The following JARID2 variants were observed in gnomAD, a reference collection of about 807,000 sequenced individuals.
JARID2 encodes the protein protein Jumonji.
A neutral mutation model predicts 125.6 loss-of-function variants in JARID2; 21 were observed. That is an observed-to-expected ratio of 0.17 (90% CI 0.12 to 0.24). JARID2 has a LOEUF of 0.24. Ranked by LOEUF, JARID2 falls within the 10% of genes least tolerant of loss-of-function variation. The probability of loss-of-function intolerance (pLI) is 1.00; values close to 1 mark genes in which losing one functional copy is unlikely to be tolerated. For missense variants in JARID2, 1,303 were observed against 1,639.6 expected (o/e 0.79, Z 3.55); for synonymous variants, 736 against 661.6 (o/e 1.11, Z -1.73).
At chr6:15,472,152 T>C (rs1769106515) in intron 5 of JARID2, among the ~76,000 whole-genome samples, 1 of 152,032 alleles carries the variant, frequency 6.6e-6, no homozygotes, top group Admixed American at 6.6e-5. Context: ...GAATCCTGGC[T>C]CCAGGCTGGG....
intron 1 of JARID2, among the ~76,000 whole-genome samples, chr6:15,302,027 T>C (rs1761641945): frequency 2.6e-5 from 4 of 152,200 alleles, no homozygotes; most frequent in Admixed American, 2.6e-4. Flanking sequence ...GGAAACGTGA[T>C]ACCTTTTCAT....
intron 1 of JARID2, among the ~76,000 whole-genome samples, chr6:15,288,113 G>A (rs987953682): frequency 8.5e-5 from 13 of 152,158 alleles, no homozygotes; most frequent in African/African-American, 2.9e-4. Flanking sequence ...TGGCATATTA[G>A]GCCATTCTTG....
At chr6:15,263,074 T>TTGTG (rs561238062) in intron 1 of JARID2, among the ~76,000 whole-genome samples, 2,746 of 139,756 alleles carry the variant, frequency 0.02, 35 homozygotes, top group Middle Eastern at 0.039. Context: ...GGGTGTGTGT[T>TTGTG]TGTGTGTGTG....
chr6:15,468,047 C>T (rs1304197558), intron 4 of JARID2, among the ~76,000 whole-genome samples: 1 of 151,860 alleles, frequency 6.6e-6, no homozygotes, highest in African/African-American at 2.4e-5. Flanking sequence ...AAGTAACTTC[C>T]AAAACTATTG....
intron 1 of JARID2, among the ~76,000 whole-genome samples, chr6:15,293,682 G>C (rs796108690): frequency 3.9e-5 from 6 of 152,338 alleles, no homozygotes; most frequent in African/African-American, 1.2e-4. Context: ...CTTGAGACTG[G>C]ATGCTTCCTT....
intron 8 of JARID2, among the ~76,000 whole-genome samples, chr6:15,503,903 A>C (rs1770863916): frequency 6.8e-6 from 1 of 146,136 alleles, no homozygotes. Context: ...ACAGGGCAAC[A>C]GAGGGGCATC....
Position 15,283,268 on chromosome 6 carries a change from G to A in JARID2, c.45+36684G>A, listed in dbSNP as rs528326610. ...GCTGGGATTACAGGTGTGAGCCACT[G>A]CGCCCGGCCGTTCTGGTATTTATTG... On this transcript the variant is annotated intron_variant, in intron 1 of 17. Transcript: ENST00000341776. Among the ~76,000 whole-genome samples, 279 of 149,816 alleles carry A rather than the reference G, an allele frequency of 1.9e-3. 4 individuals carry two copies. In the East Asian group the frequency reaches 0.028, roughly 15 times the overall value.
chr6:15,260,558 A>T lies in JARID2; in HGVS notation c.45+13974A>T, dbSNP rs185712773. On this transcript the variant is annotated intron_variant, in intron 1 of 17. Transcript: ENST00000341776. ...AGGTCGGGAAATACTTGTCTCAAAT[A>T]TAAACACCAGCTCAATATAAACACC... Among the ~76,000 whole-genome samples the T allele has an allele frequency of 3.6e-3, 543 of 152,340 alleles. 6 individuals carry two copies. The highest frequency in any genetic ancestry group is 0.012 in the African/African-American group (518 of 41,566).
rs377635233 is a variant in JARID2 at position 15,507,710 on chromosome 6, C to T, written c.2731+294C>T. ...GCTTTCAAAGCTGAAGTCACAATTCCTTAAGGCTACTGCAGGCTTGAAATC... is the reference window on the plus strand; with the variant it reads ...GCTTTCAAAGCTGAAGTCACAATTCTTTAAGGCTACTGCAGGCTTGAAATC... On this transcript the variant is annotated intron_variant, in intron 11 of 17. Transcript: ENST00000341776. Among the ~76,000 whole-genome samples, 11 of 152,292 alleles carry T rather than the reference C, an allele frequency of 7.2e-5. No individual in the cohort carries two copies. In the East Asian group the frequency reaches 2.1e-3, roughly 29 times the overall value.
At chr6:15,271,607 C>T (rs1201701236) in intron 1 of JARID2, among the ~76,000 whole-genome samples, 2 of 151,960 alleles carry the variant, frequency 1.3e-5, no homozygotes, top group Admixed American at 6.6e-5. Flanking sequence ...CCCAGGAGTT[C>T]GAGACCAGCC....
chr6:15,400,975 G>A lies in JARID2; in HGVS notation c.182-9249G>A, dbSNP rs760881396. 5.4e-6 allele frequency: 7 copies of A among 1,289,470 alleles called. No homozygotes were observed. In the South Asian group the frequency reaches 8.6e-5, roughly 16 times the overall value. The allele number at this position is 1,289,470 out of a possible 1,614,324, so 79.9% of individuals were successfully genotyped here. ...GATGGCTGCTCCACGGGTCTGTCAG[G>A]TGCAGTTTTTGGTGGCTTATCTTGA... On this transcript the variant is annotated intron_variant, in intron 2 of 17. Coordinates refer to ENST00000341776, the MANE Select transcript of JARID2 (RefSeq NM_004973.4).
At chr6:15,298,686 A>G (rs1263581471) in intron 1 of JARID2, among the ~76,000 whole-genome samples, 1 of 151,808 alleles carries the variant, frequency 6.6e-6, no homozygotes, top group Admixed American at 6.6e-5. Context: ...TCTCAAAAAA[A>G]AAAAAAAAGA....
At chr6:15,420,695 C>T (rs1766447510) in intron 3 of JARID2, among the ~76,000 whole-genome samples, 2 of 152,158 alleles carry the variant, frequency 1.3e-5, no homozygotes, top group African/African-American at 4.8e-5. Flanking sequence ...TATTCTTGAG[C>T]ATTGTTCTGA....
intron 1 of JARID2, among the ~76,000 whole-genome samples, chr6:15,343,201 C>A (rs1380227976): frequency 7.6e-6 from 1 of 131,084 alleles, no homozygotes; most frequent in East Asian, 2.2e-4. Context: ...TGCACTCCAG[C>A]CTGGGCGACA....
At chr6:15,269,286 G>T (rs991955764) in intron 1 of JARID2, among the ~76,000 whole-genome samples, 2 of 152,142 alleles carry the variant, frequency 1.3e-5, no homozygotes, top group South Asian at 4.2e-4. Context: ...TGGGGGGGGC[G>T]GAAAGAAGTT....
intron 1 of JARID2, among the ~76,000 whole-genome samples, chr6:15,336,142 C>T (rs2127461977): frequency 6.6e-6 from 1 of 152,112 alleles, no homozygotes; most frequent in Middle Eastern, 3.4e-3. Context: ...AAGGCATGGC[C>T]CCTTTATCAT....
At chr6:15,456,670 C>T (rs1455166015) in intron 4 of JARID2, among the ~76,000 whole-genome samples, 2 of 151,830 alleles carry the variant, frequency 1.3e-5, no homozygotes, top group Non-Finnish European at 2.9e-5. Context: ...CTTATTATAG[C>T]TTCATGACCC....
chr6:15,455,850 A>G (rs1368394571), intron 4 of JARID2, among the ~76,000 whole-genome samples: 1 of 152,216 alleles, frequency 6.6e-6, no homozygotes. Context: ...TTAAAGAGTA[A>G]CTATGACTTA....
intron 1 of JARID2, among the ~76,000 whole-genome samples, chr6:15,265,165 G>A (rs1034814665): frequency 1.3e-5 from 2 of 152,062 alleles, no homozygotes; most frequent in Non-Finnish European, 2.9e-5. Context: ...TTGGCACATC[G>A]TCTGCCCTTT....
Sources: allele counts gnomAD v4.1 joint callset (sites outside exome capture counted in the v4.1 genomes callset), GRCh38; gene constraint gnomAD v4.1.1; transcripts MANE v1.5; gene names NCBI Gene and HGNC (gene_info 2026-07-23, HGNC 2026-07-21).